Variants in EEF1AKMT1 observed in about 807,000 individuals in gnomAD.
EEF1AKMT1 encodes the protein N-6 adenine-specific DNA methyltransferase 2 (putative).
A neutral mutation model predicts 21.0 loss-of-function variants in EEF1AKMT1; 18 were observed. The observed-to-expected ratio is 0.86, with a 90% CI of 0.59 to 1.27. EEF1AKMT1 has a LOEUF of 1.27. Among genes scored for constraint, EEF1AKMT1 ranks in the 50% most tolerant of loss-of-function variants. EEF1AKMT1 has a pLI of 0.00. For missense variants in EEF1AKMT1, 246 were observed against 258.6 expected (o/e 0.95, Z 0.33); for synonymous variants, 109 against 94.8 (o/e 1.15, Z -0.87).
At position 20,770,418 on chromosome 13, in the gene EEF1AKMT1, C is replaced by T. The variant is rs541150438; in HGVS notation, c.-20+3503G>A. Among the ~76,000 whole-genome samples the T allele has an allele frequency of 4.6e-5, 7 of 152,152 alleles. No homozygotes were observed. The East Asian group carries it at 1.2e-3, about 25-fold the overall frequency. ...GAACTAAAAATAATTTCAGTCAACA[C>T]GGGGTTGTCTATAGAAGTCCCACCA... On this transcript the variant is annotated intron_variant, in intron 1 of 4. Coordinates refer to ENST00000382758, the MANE Select transcript of EEF1AKMT1 (RefSeq NM_001318939.2).
chr13:20,749,723 G>C (rs2058930303), intron 2 of EEF1AKMT1, among the ~76,000 whole-genome samples: 1 of 151,984 alleles, frequency 6.6e-6, no homozygotes, highest in African/African-American at 2.4e-5. Flanking sequence ...AGAAAGAAAA[G>C]AAAAGGAAAA....
chr13:20,737,937 G>A, intron 2 of EEF1AKMT1, 132 bp from the exon 3 acceptor site: 1 of 475,832 alleles, frequency 2.1e-6, no homozygotes, highest in East Asian at 3.7e-5. Context: ...CCAGTGGACA[G>A]ATATTTTTAA....
At chr13:20,758,167 T>C (rs1052793886) in intron 1 of EEF1AKMT1, among the ~76,000 whole-genome samples, 1 of 152,208 alleles carries the variant, frequency 6.6e-6, no homozygotes, top group African/African-American at 2.4e-5. Context: ...TTTTTCGGTC[T>C]GATAGAGGCA....
intron 1 of EEF1AKMT1, among the ~76,000 whole-genome samples, chr13:20,770,160 T>C (rs979442686): frequency 2.8e-4 from 43 of 152,166 alleles, no homozygotes; most frequent in African/African-American, 9.9e-4. Context: ...TATGCTACAA[T>C]GTGGATAAAC....
intron 2 of EEF1AKMT1, among the ~76,000 whole-genome samples, chr13:20,752,565 T>A (rs1252493770): frequency 6.6e-6 from 1 of 152,098 alleles, no homozygotes. Flanking sequence ...TGTTGAGGAC[T>A]TTTGTGTCTA....
chr13:20,738,314 TG>T (rs2058838470), intron 2 of EEF1AKMT1, among the ~76,000 whole-genome samples: 1 of 152,260 alleles, frequency 6.6e-6, no homozygotes, highest in South Asian at 2.1e-4. Flanking sequence ...GTTTTTCCCT[TG>T]GGGGCAAGTT....
In EEF1AKMT1 at chr13:20,731,918, T is replaced by C. The variant is rs755350464; in HGVS notation, c.431A>G (p.Tyr144Cys). The change falls in exon 4 of 5, where the codon TAT becomes TGT. Residue 144 changes from tyrosine (Y) to cysteine (C), a missense_variant. Tyr to Cys is a radical substitution (Grantham distance 194, BLOSUM62 -2). Transcript: ENST00000382758. Reference sequence around the variant, plus strand: ...TTTTCTGAGACATTCCTCCGAAAGATAGGGAGGATCTGCTATTACGATGTC... The same window carrying C: ...TTTTCTGAGACATTCCTCCGAAAGACAGGGAGGATCTGCTATTACGATGTC... Reference protein sequence around the residue: ...SFDIVIADPPYLSEECLRKTS... With the variant: ...SFDIVIADPPCLSEECLRKTS... 15 of 1,614,088 alleles carry C rather than the reference T, an allele frequency of 9.3e-6. No individual in the cohort carries two copies. Among genetic ancestry groups the C allele is most frequent in the East Asian group, 8.9e-5 (4 of 44,902 alleles).
At chr13:20,773,701 C>G (rs1018951964) in intron 1 of EEF1AKMT1, among the ~76,000 whole-genome samples, 1 of 152,206 alleles carries the variant, frequency 6.6e-6, no homozygotes, top group Non-Finnish European at 1.5e-5. Flanking sequence ...GACCGGGACG[C>G]GAGGCCCAAC....
intron 2 of EEF1AKMT1, among the ~76,000 whole-genome samples, chr13:20,750,112 G>C (rs2058932563): frequency 1.3e-5 from 2 of 152,112 alleles, no homozygotes; most frequent in African/African-American, 4.8e-5. Flanking sequence ...GGATACATGT[G>C]ATATTTTGTT....
At chr13:20,736,554 G>A (rs925053087) in intron 3 of EEF1AKMT1, among the ~76,000 whole-genome samples, 22 of 151,932 alleles carry the variant, frequency 1.4e-4, no homozygotes, top group African/African-American at 5.3e-4. Flanking sequence ...AAGAGGTGTC[G>A]TAAAACCAGC....
intron 4 of EEF1AKMT1, among the ~76,000 whole-genome samples, chr13:20,731,068 C>G (rs1021110004): frequency 3.3e-5 from 5 of 152,218 alleles, no homozygotes; most frequent in Non-Finnish European, 5.9e-5. Flanking sequence ...AGGTCTGTGG[C>G]TTCATTCTTC....
chr13:20,756,585 A>G (rs1315138359), intron 2 of EEF1AKMT1, among the ~76,000 whole-genome samples: 1 of 152,224 alleles, frequency 6.6e-6, no homozygotes, highest in Non-Finnish European at 1.5e-5. Flanking sequence ...CGTATTATTG[A>G]CAGAGGCAGA....
intron 1 of EEF1AKMT1, among the ~76,000 whole-genome samples, chr13:20,760,037 G>A (rs557227669): frequency 4.8e-5 from 7 of 144,412 alleles, no homozygotes; most frequent in African/African-American, 1.3e-4. Context: ...CCCGGGAGGC[G>A]GAGCTTGCAG....
chr13:20,766,352 A>T (rs188545915), intron 1 of EEF1AKMT1, among the ~76,000 whole-genome samples: 1 of 151,816 alleles, frequency 6.6e-6, no homozygotes, highest in Admixed American at 6.6e-5. Context: ...AGAAACATGT[A>T]ATAGAAAAAA....
At chr13:20,754,062 C>A (rs1475341102) in intron 2 of EEF1AKMT1, among the ~76,000 whole-genome samples, 1 of 151,948 alleles carries the variant, frequency 6.6e-6, no homozygotes, top group Non-Finnish European at 1.5e-5. Flanking sequence ...GTTTGCTTTA[C>A]CAGTGGGTTT....
chr13:20,753,107 C>T (rs1042066783), intron 2 of EEF1AKMT1, among the ~76,000 whole-genome samples: 5 of 152,028 alleles, frequency 3.3e-5, no homozygotes, highest in African/African-American at 1.2e-4. Context: ...ACTGTTTTTG[C>T]TGTATTCCAT....
chr13:20,736,891 C>G (rs2058829145), intron 3 of EEF1AKMT1, among the ~76,000 whole-genome samples: 1 of 151,562 alleles, frequency 6.6e-6, no homozygotes, highest in African/African-American at 2.4e-5. Context: ...GATGCACCAC[C>G]ACGCCCAGCT....
rs1037350189 is a variant in EEF1AKMT1, at chr13:20,773,953, G to C, written c.-52C>G. On this transcript the variant is annotated 5_prime_UTR_variant, in exon 1 of 5. Transcript: ENST00000382758. ...GCGTGCGCAGTCGCCCAGACTCGCC[G>C]TGTGCAGTGGGAGTGGCTAGCCAGT... The C allele has an allele frequency of 1.3e-5, 2 of 152,448 alleles. No individual in the cohort carries two copies. The highest frequency in any genetic ancestry group is 1.9e-4 in the East Asian group (1 of 5,174). The allele number at this position is 152,448 out of a possible 1,614,324, so 9.4% of individuals were successfully genotyped here.
At chr13:20,747,462 CTTTTT>C (rs60730051) in intron 2 of EEF1AKMT1, 13 of 87,656 alleles carry the variant, frequency 1.5e-4, no homozygotes, top group African/African-American at 5.2e-4. Flanking sequence ...TAGGCACATT[CTTTTT>C]TTTTTTTTTT....
Sources: gnomAD v4.1 joint callset for allele counts (sites outside exome capture counted in the v4.1 genomes callset) on GRCh38, gnomAD v4.1.1 for gene constraint, MANE v1.5 for transcripts, NCBI Gene and HGNC (gene_info 2026-07-23, HGNC 2026-07-21) for gene names.